Variants in ZNF423 observed in about 807,000 individuals in gnomAD.
The protein encoded by ZNF423 is zinc finger protein 423.
Under a neutral mutation model 95.8 loss-of-function variants are expected in ZNF423, and 12 were observed. The observed-to-expected ratio is 0.13, with a 90% CI of 0.08 to 0.20. ZNF423 has a LOEUF of 0.20. Among genes scored for constraint, ZNF423 ranks in the 10% least tolerant of loss-of-function variants. ZNF423 has a pLI of 1.00. For synonymous variants in ZNF423, 749 were observed against 711.9 expected, an observed-to-expected ratio of 1.05 and a Z score of -0.83; for missense variants, 1,316 against 1,737.1, an observed-to-expected ratio of 0.76 and a Z score of 4.31.
chr16:49,606,709 C>G (rs1385714025), intron 5 of ZNF423, among the ~76,000 whole-genome samples: 2 of 152,200 alleles, frequency 1.3e-5, no homozygotes, highest in Admixed American at 6.5e-5. Context: ...GACACAGGTG[C>G]CTTGGTGAAC....
At chr16:49,836,856 C>T (rs549601789) in intron 1 of ZNF423, among the ~76,000 whole-genome samples, 26 of 152,292 alleles carry the variant, frequency 1.7e-4, no homozygotes, top group African/African-American at 5.3e-4. Context: ...GGACCAGGCC[C>T]AACCTTGTCC....
At chr16:49,575,235 C>A (rs1338591899) in intron 5 of ZNF423, among the ~76,000 whole-genome samples, 2 of 152,196 alleles carry the variant, frequency 1.3e-5, no homozygotes, top group Non-Finnish European at 2.9e-5. Flanking sequence ...TTGCTTTCAA[C>A]ACATTTTTTT....
intron 5 of ZNF423, among the ~76,000 whole-genome samples, chr16:49,576,386 C>G (rs1970503391): frequency 6.6e-6 from 1 of 152,202 alleles, no homozygotes; most frequent in African/African-American, 2.4e-5. Flanking sequence ...AGAGCAGTAG[C>G]TGGGCTGGGC....
chr16:49,801,162 G>A (rs976645361), intron 1 of ZNF423, among the ~76,000 whole-genome samples: 4 of 152,216 alleles, frequency 2.6e-5, no homozygotes, highest in Admixed American at 2.6e-4. Context: ...GCAGCCCCGG[G>A]GGACTGAGGA....
At chr16:49,799,702 T>C (rs1431683415) in intron 1 of ZNF423, among the ~76,000 whole-genome samples, 1 of 152,224 alleles carries the variant, frequency 6.6e-6, no homozygotes, top group South Asian at 2.1e-4. Context: ...CTCTCCTCCA[T>C]CTTTCCCTAA....
intron 5 of ZNF423, among the ~76,000 whole-genome samples, chr16:49,621,379 C>T (rs1234182976): frequency 1.3e-5 from 2 of 152,186 alleles, no homozygotes; most frequent in Non-Finnish European, 2.9e-5. Context: ...AATCACTCCC[C>T]TCCAAGCAGC....
chr16:49,637,241 G>A lies in ZNF423; in HGVS notation c.1935C>T (p.Cys645=), dbSNP rs144950533. ...ISNGEYPCNQ[C]DLKFSNFESF... ...TCTCAAAGTTGGAGAACTTGAGGTC[G>A]CATTGATTGCAAGGATACTCCCCAT... The change falls in exon 4 of 8, where the codon TGC becomes TGT. Residue 645 remains cysteine, a synonymous_variant. Transcript: ENST00000563137. The surrounding 1 kb of genome is among the most constrained non-coding windows in gnomAD (Gnocchi z 5.6). 20 of 1,614,010 alleles carry A rather than the reference G, an allele frequency of 1.2e-5. No individual in the cohort carries two copies. The highest frequency in any genetic ancestry group is 8.0e-5 in the African/African-American group (6 of 74,944).
intron 5 of ZNF423, among the ~76,000 whole-genome samples, chr16:49,560,349 T>C (rs1440612099): frequency 6.6e-6 from 1 of 152,158 alleles, no homozygotes; most frequent in Non-Finnish European, 1.5e-5. Flanking sequence ...AATTTTTCTT[T>C]CAAAAAGGCC....
intron 4 of ZNF423, among the ~76,000 whole-genome samples, chr16:49,632,888 C>A (rs924459317): frequency 2.6e-5 from 4 of 152,204 alleles, no homozygotes; most frequent in Admixed American, 2.0e-4. Flanking sequence ...GAAAACCCAG[C>A]ACCATGGTGG....
intron 1 of ZNF423, among the ~76,000 whole-genome samples, chr16:49,803,643 T>C (rs1436257952): frequency 6.6e-6 from 1 of 152,044 alleles, no homozygotes; most frequent in East Asian, 1.9e-4. Context: ...CACTAGATGG[T>C]GAATCCACAG....
chr16:49,557,292 C>T (rs988716136), intron 5 of ZNF423, among the ~76,000 whole-genome samples: 9 of 152,294 alleles, frequency 5.9e-5, no homozygotes, highest in East Asian at 1.9e-4. Context: ...TACAAATGAG[C>T]GCCTGGCAGG....
chr16:49,761,611 C>T (rs2033834433), intron 2 of ZNF423, among the ~76,000 whole-genome samples: 2 of 152,188 alleles, frequency 1.3e-5, no homozygotes, highest in African/African-American at 4.8e-5. Flanking sequence ...AGAGTAAATG[C>T]AGCAACATGC....
chr16:49,712,309 C>T (rs1356096114), intron 3 of ZNF423, among the ~76,000 whole-genome samples: 2 of 152,130 alleles, frequency 1.3e-5, no homozygotes, highest in Non-Finnish European at 2.9e-5. Flanking sequence ...CACGGTGGGG[C>T]TCGCGTGCCT....
intron 3 of ZNF423, chr16:49,664,184 G>A: frequency 4.1e-6 from 4 of 985,474 alleles, no homozygotes; most frequent in Non-Finnish European, 4.8e-6. Flanking sequence ...CGGCGGCAGG[G>A]CAGGCGAGGG....
At chr16:49,701,504 A>G (rs2032182258) in intron 3 of ZNF423, among the ~76,000 whole-genome samples, 1 of 152,068 alleles carries the variant, frequency 6.6e-6, no homozygotes, top group South Asian at 2.1e-4. Context: ...AAGTGGGCCA[A>G]TATCTCAAAC....
chr16:49,782,536 A>G (rs1464511734), intron 2 of ZNF423, among the ~76,000 whole-genome samples: 2 of 152,234 alleles, frequency 1.3e-5, no homozygotes, highest in African/African-American at 2.4e-5. Context: ...ATCACGGTCA[A>G]CTGATAATAC....
At chr16:49,732,091 G>T (rs2033183045) in intron 2 of ZNF423, among the ~76,000 whole-genome samples, 1 of 152,122 alleles carries the variant, frequency 6.6e-6, no homozygotes, top group Non-Finnish European at 1.5e-5. Context: ...AGGATCATGT[G>T]ATCCAACCCC....
chr16:49,673,160 G>A (rs1300075945), intron 3 of ZNF423, among the ~76,000 whole-genome samples: 1 of 152,210 alleles, frequency 6.6e-6, no homozygotes, highest in Non-Finnish European at 1.5e-5. Flanking sequence ...ACAGCCCCAG[G>A]CCAGGAGAAA....
intron 7 of ZNF423, among the ~76,000 whole-genome samples, chr16:49,502,983 G>A (rs1967484084): frequency 6.8e-6 from 1 of 146,322 alleles, no homozygotes; most frequent in Non-Finnish European, 1.5e-5. Flanking sequence ...ACACACACAC[G>A]GATACCCCAC....
Sources: gnomAD v4.1 joint callset for allele counts (sites outside exome capture counted in the v4.1 genomes callset) on GRCh38, gnomAD v4.1.1 for gene constraint, Gnocchi (gnomAD v3.1) non-coding constraint, MANE v1.5 for transcripts, NCBI Gene and HGNC (gene_info 2026-07-23, HGNC 2026-07-21) for gene names.